TUT4: variants seen among roughly 807,000 people sequenced by gnomAD.
The protein encoded by TUT4 is terminal uridylyltransferase 4.
TUT4 carries 36 observed loss-of-function variants against 192.2 expected under a neutral mutation model. The ratio of observed to expected loss-of-function variants is 0.19; its 90% CI spans 0.14 to 0.25. The LOEUF is 0.25. TUT4 is among the 10% of genes least tolerant of loss of function. TUT4 has a pLI of 1.00. For synonymous variants in TUT4, 618 were observed against 666.0 expected (o/e 0.93, Z 1.11); for missense variants, 1,493 against 1,957.2 (o/e 0.76, Z 4.47).
chr1:52,513,393 C>CAA (rs554170439), intron 3 of TUT4, among the ~76,000 whole-genome samples: 39 of 41,940 alleles, frequency 9.3e-4, no homozygotes, highest in South Asian at 4.3e-3. Flanking sequence ...GACCCTGTCT[C>CAA]AAAAAAAAAA....
At chr1:52,461,346 T>C in intron 18 of TUT4, 123 bp from the exon 19 acceptor site, 1 of 1,127,444 alleles carries the variant, frequency 8.9e-7, no homozygotes, top group Non-Finnish European at 1.2e-6. Context: ...AAACACCTAT[T>C]AATGAGTCAA....
rs1648738714 is a variant in TUT4, at chr1:52,423,386, A to G, written c.*549T>C. The G allele has an allele frequency of 6.5e-6, 1 of 154,918 alleles. No homozygotes were observed. Among genetic ancestry groups the G allele is most frequent in the African/African-American group, 2.4e-5 (1 of 41,472 alleles). The allele number at this position is 154,918 out of a possible 1,614,324, so 9.6% of individuals were successfully genotyped here. On this transcript the variant is annotated 3_prime_UTR_variant, in exon 30 of 30. Coordinates refer to ENST00000257177, the MANE Select transcript of TUT4 (RefSeq NM_001009881.3). ...TTCAATATACAAGTATGGAAAAGAA[A>G]AAAAATCTGAATCTTCATGTTGTAA...
intron 2 of TUT4, among the ~76,000 whole-genome samples, chr1:52,523,272 C>T (rs566026356): frequency 2.0e-5 from 3 of 149,224 alleles, no homozygotes; most frequent in Admixed American, 6.7e-5. Context: ...GGATTACAGG[C>T]ATGAGCCACC....
chr1:52,490,332 T>C (rs867307464), intron 8 of TUT4, among the ~76,000 whole-genome samples: 1 of 151,972 alleles, frequency 6.6e-6, no homozygotes, highest in African/African-American at 2.4e-5. Context: ...TTTTTTATTT[T>C]TTTTGTGGAG....
intron 4 of TUT4, among the ~76,000 whole-genome samples, chr1:52,507,712 A>G (rs902426847): frequency 6.6e-6 from 1 of 152,232 alleles, no homozygotes; most frequent in African/African-American, 2.4e-5. Context: ...TCATTAAAGT[A>G]TAATGCAAAT....
chr1:52,493,603 A>T lies in TUT4; in HGVS notation c.1318+8T>A. The T allele has an allele frequency of 6.8e-7, 1 of 1,469,528 alleles. No individual in the cohort carries two copies. Among genetic ancestry groups the T allele is most frequent in the East Asian group, 2.3e-5 (1 of 43,508 alleles). 91.0% of individuals were successfully genotyped at this position (1,469,528 alleles called of 1,614,324 possible). ...AAAAAAAAGAAAAGAAAAAGAAAAG[A>T]AACTCACCATTTTTCTTTAAAATCC... On this transcript the variant is annotated splice_region_variant and intron_variant, in intron 7 of 29. Transcript: ENST00000257177.
chr1:52,509,510 T>C, intron 4 of TUT4, 86 bp downstream of exon 4: 1 of 833,520 alleles, frequency 1.2e-6, no homozygotes. Context: ...GACAAATATT[T>C]CATTTTTAGT....
chr1:52,511,658 C>T (rs899842366), intron 3 of TUT4, among the ~76,000 whole-genome samples: 3 of 151,980 alleles, frequency 2.0e-5, no homozygotes, highest in African/African-American at 7.3e-5. Context: ...AAAGTGAATG[C>T]CAAGGCCCTG....
At chr1:52,552,650 C>T (rs995528613) in intron 1 of TUT4, among the ~76,000 whole-genome samples, 1 of 152,160 alleles carries the variant, frequency 6.6e-6, no homozygotes, top group Non-Finnish European at 1.5e-5. Flanking sequence ...GGAGCCCCAG[C>T]CACAGTGTGG....
At chr1:52,428,783 G>A (rs1187504982) in intron 28 of TUT4, among the ~76,000 whole-genome samples, 2 of 151,954 alleles carry the variant, frequency 1.3e-5, no homozygotes, top group East Asian at 3.9e-4. Flanking sequence ...GAGCGAGACT[G>A]TCTCAAAAAA....
chr1:52,447,489 A>G (rs1002628919), intron 20 of TUT4, among the ~76,000 whole-genome samples: 64 of 151,714 alleles, frequency 4.2e-4, no homozygotes, highest in Non-Finnish European at 8.4e-4. Flanking sequence ...AAAAAAAAAA[A>G]GGAAAATTAG....
chr1:52,544,087 A>G (rs1018002167), intron 1 of TUT4, among the ~76,000 whole-genome samples: 1 of 151,840 alleles, frequency 6.6e-6, no homozygotes, highest in Non-Finnish European at 1.5e-5. Flanking sequence ...AGGAGATGAG[A>G]CCATCCTGGC....
intron 7 of TUT4, among the ~76,000 whole-genome samples, chr1:52,492,088 G>A (rs1290746993): frequency 6.6e-6 from 1 of 152,088 alleles, no homozygotes; most frequent in Non-Finnish European, 1.5e-5. Context: ...ATACTACCTA[G>A]GAAGTCTGAA....
chr1:52,536,132 T>A (rs1172469648), intron 1 of TUT4, among the ~76,000 whole-genome samples: 3 of 152,192 alleles, frequency 2.0e-5, no homozygotes, highest in Non-Finnish European at 4.4e-5. Context: ...ACTCTTGGGT[T>A]TTTCCCTTTT....
chr1:52,514,261 T>C (rs1678085656), intron 3 of TUT4, among the ~76,000 whole-genome samples: 1 of 152,124 alleles, frequency 6.6e-6, no homozygotes, highest in Admixed American at 6.5e-5. Context: ...GCCAATATAG[T>C]GAAACCCCGT....
At chr1:52,474,766 TA>T in intron 13 of TUT4, 65 bp downstream of exon 13, 3 of 1,348,318 alleles carry the variant, frequency 2.2e-6, no homozygotes, top group Non-Finnish European at 2.0e-6. Context: ...ATTTCTAATC[TA>T]AAAAATATAC....
In TUT4 at chr1:52,525,648, T is replaced by C. The variant is rs1334672666; in HGVS notation, c.633A>G (p.Arg211=). Residue 211 remains arginine (R), a synonymous_variant, in exon 2 of 30, where the codon CGA becomes CGG. Transcript: ENST00000257177. ...GEKCALQNSP[R]SQKQQTCTDN... is the part of the protein sequence containing the mutation. ...CTGTACATGTCTGTTGCTTCTGAGATCGTGGTGAGTTTTGCAGAGCACATT... is the reference window on the plus strand; with the variant it reads ...CTGTACATGTCTGTTGCTTCTGAGACCGTGGTGAGTTTTGCAGAGCACATT... 3 of 1,614,202 alleles carry C rather than the reference T, an allele frequency of 1.9e-6. No homozygotes were observed. Among genetic ancestry groups the C allele is most frequent in the Admixed American group, 3.3e-5 (2 of 60,028 alleles).
chr1:52,495,312 G>T lies in TUT4; in HGVS notation c.1266+115C>A, dbSNP rs978759092. On this transcript the variant is annotated intron_variant, in intron 6 of 29. Coordinates refer to ENST00000257177, the MANE Select transcript of TUT4 (RefSeq NM_001009881.3). ...CCAAAAGCACTGTTTAGTCACGATGGTAACACTATACAAACCAGAGTTTTA... is the reference window on the plus strand; with the variant it reads ...CCAAAAGCACTGTTTAGTCACGATGTTAACACTATACAAACCAGAGTTTTA... 5.4e-5 allele frequency: 29 copies of T among 532,968 alleles called. 1 individual carries two copies. The East Asian group carries it at 9.4e-4, about 17-fold the overall frequency. 33.0% of individuals were successfully genotyped at this position (532,968 alleles called of 1,614,324 possible).
At chr1:52,445,935 A>T in intron 23 of TUT4, 22 bp downstream of exon 23, 2 of 1,605,334 alleles carry the variant, frequency 1.2e-6, no homozygotes, top group Non-Finnish European at 1.7e-6. Context: ...AAAATCAGAG[A>T]ATCTCTATAT....
Sources: gnomAD v4.1 joint callset for allele counts (sites outside exome capture counted in the v4.1 genomes callset) on GRCh38, gnomAD v4.1.1 for gene constraint, MANE v1.5 for transcripts, NCBI Gene and HGNC (gene_info 2026-07-23, HGNC 2026-07-21) for gene names.